Variants in AIG1 observed in about 807,000 individuals in gnomAD.
The protein encoded by AIG1 is androgen-induced gene 1 protein.
In AIG1, 23 loss-of-function variants were observed where a neutral mutation model predicts 31.4. The ratio of observed to expected loss-of-function variants is 0.73; its 90% CI spans 0.53 to 1.04. The LOEUF (loss-of-function observed/expected upper bound fraction) is 1.04. Ranked by LOEUF, AIG1 falls within the 50% of genes least tolerant of loss-of-function variation. AIG1 has a pLI of 0.00. For missense variants in AIG1, 274 were observed against 295.0 expected (o/e 0.93, Z 0.52); for synonymous variants, 100 against 110.5 (o/e 0.90, Z 0.60).
chr6:143,185,194 C>CAAAAA (rs10690751), intron 3 of AIG1, among the ~76,000 whole-genome samples: 1 of 135,018 alleles, frequency 7.4e-6, no homozygotes, highest in African/African-American at 2.8e-5. Flanking sequence ...GACTCCATCT[C>CAAAAA]AAAAAAAAAA....
chr6:143,100,908 C>T (rs1780216470), intron 1 of AIG1, among the ~76,000 whole-genome samples: 1 of 152,132 alleles, frequency 6.6e-6, no homozygotes, highest in Non-Finnish European at 1.5e-5. Flanking sequence ...TGGTCTCAAA[C>T]TCCTGACCTC....
intron 1 of AIG1, among the ~76,000 whole-genome samples, chr6:143,126,619 T>C (rs965235923): frequency 6.6e-6 from 1 of 152,190 alleles, no homozygotes; most frequent in African/African-American, 2.4e-5. Context: ...CTTTTAGTCT[T>C]TGCTGAACAT....
intron 4 of AIG1, among the ~76,000 whole-genome samples, chr6:143,285,621 G>T (rs897544137): frequency 6.6e-6 from 1 of 151,762 alleles, no homozygotes; most frequent in African/African-American, 2.4e-5. Flanking sequence ...CCGAGATCAC[G>T]CAACTGCACT....
chr6:143,175,439 A>G lies in AIG1; in HGVS notation c.399+10256A>G, dbSNP rs561335287. Reference sequence around the variant, plus strand: ...TTTCCCTTCTTCTTCAGGAACACCAATTATTCTTAGGTCTGGTCATTTAAC... The same window carrying G: ...TTTCCCTTCTTCTTCAGGAACACCAGTTATTCTTAGGTCTGGTCATTTAAC... On this transcript the variant is annotated intron_variant, in intron 3 of 5. Coordinates refer to ENST00000357847, the MANE Select transcript of AIG1 (RefSeq NM_016108.4). 6.6e-5 allele frequency among the ~76,000 whole-genome samples: 10 copies of G among 152,322 alleles called. No homozygotes were observed. In the South Asian group the frequency reaches 1.4e-3, roughly 22 times the overall value.
At chr6:143,255,055 T>C (rs955347250) in intron 3 of AIG1, among the ~76,000 whole-genome samples, 40 of 152,204 alleles carry the variant, frequency 2.6e-4, no homozygotes, top group African/African-American at 8.2e-4. Context: ...CTCCTCATTC[T>C]AGAAGTTTCT....
At chr6:143,302,315 T>C (rs1439022651) in intron 4 of AIG1, among the ~76,000 whole-genome samples, 1 of 152,036 alleles carries the variant, frequency 6.6e-6, no homozygotes, top group African/African-American at 2.4e-5. Flanking sequence ...GCTGGTGTGC[T>C]GCACCCATTA....
intron 1 of AIG1, among the ~76,000 whole-genome samples, chr6:143,067,385 T>C (rs1776808100): frequency 2.0e-5 from 3 of 152,178 alleles, no homozygotes; most frequent in African/African-American, 7.2e-5. Context: ...AAATCTGTAT[T>C]GCAAAGGAAT....
intron 4 of AIG1, among the ~76,000 whole-genome samples, chr6:143,286,025 AC>A (rs34573032): frequency 0.27 from 24,562 of 91,534 alleles, 2,469 homozygotes; most frequent in Middle Eastern, 0.41. Flanking sequence ...TCCCACCCCC[AC>A]CCCAAATACG....
chr6:143,286,157 G>A (rs966012763), intron 4 of AIG1, among the ~76,000 whole-genome samples: 2 of 151,880 alleles, frequency 1.3e-5, no homozygotes, highest in African/African-American at 2.4e-5. Context: ...GCATCTTGTA[G>A]AGCCCCAGAG....
At chr6:143,225,490 G>A (rs1012571982) in intron 3 of AIG1, among the ~76,000 whole-genome samples, 2 of 152,234 alleles carry the variant, frequency 1.3e-5, no homozygotes, top group African/African-American at 2.4e-5. Context: ...GCAAAACTTC[G>A]TAAAACATAA....
At chr6:143,239,095 C>T (rs1017348510) in intron 3 of AIG1, among the ~76,000 whole-genome samples, 1 of 152,192 alleles carries the variant, frequency 6.6e-6, no homozygotes, top group Non-Finnish European at 1.5e-5. Flanking sequence ...GCTGTAATTG[C>T]AGCATAATAC....
intron 4 of AIG1, among the ~76,000 whole-genome samples, chr6:143,314,184 TA>T (rs35691634): frequency 0.14 from 12,803 of 89,920 alleles, 751 homozygotes; most frequent in East Asian, 0.26. Flanking sequence ...ACCCATCTCT[TA>T]AAAAAAAAAA....
At chr6:143,317,908 T>C in intron 4 of AIG1, among the ~76,000 whole-genome samples, 1 of 151,530 alleles carries the variant, frequency 6.6e-6, no homozygotes, top group Admixed American at 6.6e-5. Context: ...CTGCAAAAAA[T>C]AAAATAAAAT....
Position 143,165,144 on chromosome 6 carries a change from G to C in AIG1, c.360G>C (p.Leu120=), listed in dbSNP as rs1562447063. The C allele has an allele frequency of 3.7e-6, 6 of 1,613,624 alleles. No individual in the cohort carries two copies. Among genetic ancestry groups the C allele is most frequent in the Non-Finnish European group, 4.2e-6 (5 of 1,179,636 alleles). ...AYDREMIYPK[L]LDNFIPGWLN... ...ACAGAGAGATGATATACCCGAAGCT[G>C]CTGGATAATTTTATCCCAGGGTGGC... The change falls in exon 3 of 6, where the codon CTG becomes CTC. Residue 120 remains leucine (L), a synonymous_variant. Coordinates refer to ENST00000357847, the MANE Select transcript of AIG1 (RefSeq NM_016108.4).
intron 1 of AIG1, among the ~76,000 whole-genome samples, chr6:143,104,848 G>A (rs984977620): frequency 6.6e-6 from 1 of 151,912 alleles, no homozygotes; most frequent in African/African-American, 2.4e-5. Flanking sequence ...AGACTTTGAT[G>A]TGATGCTGCC....
At chr6:143,199,158 G>A (rs986998609) in intron 3 of AIG1, among the ~76,000 whole-genome samples, 3 of 151,966 alleles carry the variant, frequency 2.0e-5, no homozygotes, top group Non-Finnish European at 4.4e-5. Context: ...ATCAGTATTC[G>A]TTGAATAAAA....
At chr6:143,172,872 T>C (rs1406197836) in intron 3 of AIG1, among the ~76,000 whole-genome samples, 1 of 152,232 alleles carries the variant, frequency 6.6e-6, no homozygotes, top group Non-Finnish European at 1.5e-5. Flanking sequence ...CACCGTAGCC[T>C]TGAATGATCG....
At chr6:143,129,071 C>A (rs569721052) in intron 1 of AIG1, among the ~76,000 whole-genome samples, 23 of 152,020 alleles carry the variant, frequency 1.5e-4, no homozygotes, top group Non-Finnish European at 3.1e-4. Flanking sequence ...GCAGGCAGAT[C>A]ACGAGGTCAA....
At position 143,339,757 on chromosome 6, in the gene AIG1, A is replaced by C; in HGVS notation, c.*81A>C. 6.7e-7 allele frequency: 1 copy of C among 1,482,690 alleles called. No homozygotes were observed. Among genetic ancestry groups the C allele is most frequent in the Non-Finnish European group, 9.3e-7 (1 of 1,080,594 alleles). The allele number at this position is 1,482,690 out of a possible 1,614,324, so 91.8% of individuals were successfully genotyped here. A position where few individuals can be genotyped will look rare whatever the true frequency, so the allele number is the denominator to read the frequency against. On this transcript the variant is annotated 3_prime_UTR_variant, in exon 6 of 6. Transcript: ENST00000357847. ...TCGGGCATTGGCAGTGGGGGAGAAA[A>C]GGCTTCAAAGGAACTTGGTGGCATC...
Sources: allele counts gnomAD v4.1 joint callset (sites outside exome capture counted in the v4.1 genomes callset), GRCh38; gene constraint gnomAD v4.1.1; transcripts MANE v1.5; gene names NCBI Gene and HGNC (gene_info 2026-07-23, HGNC 2026-07-21).